Variants in ANAPC4 observed in about 807,000 individuals in gnomAD.
The protein encoded by ANAPC4 is anaphase promoting complex subunit 4.
A neutral mutation model predicts 119.8 loss-of-function variants in ANAPC4; 63 were observed. The observed-to-expected ratio is 0.53, with a 90% CI of 0.43 to 0.65. ANAPC4 has a LOEUF of 0.65. Among genes scored for constraint, ANAPC4 ranks in the 30% least tolerant of loss-of-function variants. ANAPC4 has a pLI of 0.00. For synonymous variants in ANAPC4, 283 were observed against 318.6 expected, an observed-to-expected ratio of 0.89 and a Z score of 1.19; for missense variants, 716 against 945.1, an observed-to-expected ratio of 0.76 and a Z score of 3.18.
chr4:25,377,384 C>G, intron 1 of ANAPC4, 34 bp from the exon 2 acceptor site: 1 of 1,607,944 alleles, frequency 6.2e-7, no homozygotes, highest in Non-Finnish European at 8.5e-7. Context: ...GAGCCGGGGG[C>G]TCCTGCCGGC....
intron 3 of ANAPC4, among the ~76,000 whole-genome samples, chr4:25,381,465 C>T (rs930234919): frequency 2.6e-5 from 4 of 152,138 alleles, no homozygotes; most frequent in Admixed American, 6.5e-5. Flanking sequence ...CGTGCACCTT[C>T]ATCCCTGGCT....
intron 20 of ANAPC4, among the ~76,000 whole-genome samples, chr4:25,408,615 T>C (rs1723400461): frequency 6.6e-6 from 1 of 151,766 alleles, no homozygotes; most frequent in Non-Finnish European, 1.5e-5. Context: ...CCTCCACCTC[T>C]CGGACTCGCC....
In ANAPC4 at chr4:25,418,306, A is replaced by C. The variant is rs749967876; in HGVS notation, c.2351A>C (p.Gln784Pro). 11 of 1,613,946 alleles carry C rather than the reference A, an allele frequency of 6.8e-6. No individual in the cohort carries two copies. The Admixed American group carries it at 1.8e-4, about 27-fold the overall frequency. Residue 784 changes from glutamine to proline, a missense_variant, in exon 29 of 29, where the codon CAA (glutamine) becomes CCA (proline). Physicochemically the swap from Gln to Pro is moderately conservative, Grantham distance 76. This residue lies in a region of ANAPC4 where 504 missense variants were observed against 615.8 expected (regional missense o/e 0.82). Transcript: ENST00000315368. Reference protein sequence around the residue: ...EVLSESEAENQQAGAAALAPE... With the variant: ...EVLSESEAENPQAGAAALAPE... Reference sequence around the variant, plus strand: ...TTGTCGGAGTCAGAGGCAGAGAACCAACAAGCTGGTGCTGCCGCTTTAGCT... The same window carrying C: ...TTGTCGGAGTCAGAGGCAGAGAACCCACAAGCTGGTGCTGCCGCTTTAGCT...
At position 25,417,924 on chromosome 4, in the gene ANAPC4, T is replaced by C. The variant is rs558116051; in HGVS notation, c.2199+185T>C. 2.2e-5 allele frequency: 20 copies of C among 904,442 alleles called. No homozygotes were observed. The African/African-American group carries it at 3.0e-4, about 14-fold the overall frequency. 56.0% of individuals were successfully genotyped at this position (904,442 alleles called of 1,614,324 possible). Reference sequence around the variant, plus strand: ...TATTTAGTTCTTGTTCTGATAAAGCTTACTAAGTAGTTAATAATAATACTA... The same window carrying C: ...TATTTAGTTCTTGTTCTGATAAAGCCTACTAAGTAGTTAATAATAATACTA... On this transcript the variant is annotated intron_variant, in intron 28 of 28. Coordinates refer to ENST00000315368, the MANE Select transcript of ANAPC4 (RefSeq NM_013367.3).
At chr4:25,394,527 A>G (rs1253069520) in intron 12 of ANAPC4, 144 bp from the exon 13 acceptor site, 3 of 1,023,044 alleles carry the variant, frequency 2.9e-6, no homozygotes, top group African/African-American at 1.6e-5. Context: ...TACGGGGTAT[A>G]TGTGATGTTA....
At position 25,388,891 on chromosome 4, in the gene ANAPC4, T is replaced by A. The variant is rs1330834763; in HGVS notation, c.515+9T>A. 2.8e-5 allele frequency: 44 copies of A among 1,576,506 alleles called. No homozygotes were observed. Among genetic ancestry groups the A allele is most frequent in the Non-Finnish European group, 3.5e-5 (41 of 1,155,196 alleles). ...CTCTTGGGAGACGTCAGGTAAATCTTACAGATAAATAAGTCTAATTTCTTA... is the reference window on the plus strand; with the variant it reads ...CTCTTGGGAGACGTCAGGTAAATCTAACAGATAAATAAGTCTAATTTCTTA... On this transcript the variant is annotated intron_variant, in intron 7 of 28. Coordinates refer to ENST00000315368, the MANE Select transcript of ANAPC4 (RefSeq NM_013367.3).
In ANAPC4 at chr4:25,413,568, A is replaced by G. The variant is rs565249219; in HGVS notation, c.1526-77A>G. The G allele has an allele frequency of 9.0e-6, 10 of 1,108,936 alleles. No homozygotes were observed. The African/African-American group carries it at 1.6e-4, about 18-fold the overall frequency. The allele number at this position is 1,108,936 out of a possible 1,614,324, so 68.7% of individuals were successfully genotyped here. ...AGATAAACTGTGCAGACTGGCTCTA[A>G]CAGTAGATTATTTTCTTCTAATTAT... On this transcript the variant is annotated intron_variant, in intron 21 of 28. Coordinates refer to ENST00000315368, the MANE Select transcript of ANAPC4 (RefSeq NM_013367.3).
chr4:25,379,755 AGATAAG>A (rs1370096549), intron 2 of ANAPC4, among the ~76,000 whole-genome samples: 3 of 152,080 alleles, frequency 2.0e-5, no homozygotes, highest in Non-Finnish European at 4.4e-5. Context: ...GTGAGCTGTG[AGATAAG>A]GCAGGGTCAT....
At chr4:25,414,296 T>C (rs1368270110) in intron 22 of ANAPC4, 28 bp from the exon 23 acceptor site, 1 of 1,425,650 alleles carries the variant, frequency 7.0e-7, no homozygotes, top group African/African-American at 1.4e-5. Flanking sequence ...AACGCTCTAA[T>C]TATATTTTAA....
chr4:25,401,847 A>C (rs1374144911), intron 16 of ANAPC4, among the ~76,000 whole-genome samples: 2 of 152,240 alleles, frequency 1.3e-5, no homozygotes, highest in Non-Finnish European at 2.9e-5. Flanking sequence ...GACAAAAAAA[A>C]CACGAAGAGA....
chr4:25,409,671 C>A, intron 20 of ANAPC4, 27 bp from the exon 21 acceptor site: 1 of 1,536,418 alleles, frequency 6.5e-7, no homozygotes, highest in Non-Finnish European at 8.9e-7. Context: ...TATGAATAAA[C>A]TTAAATTTCT....
intron 4 of ANAPC4, among the ~76,000 whole-genome samples, chr4:25,387,522 CAG>C (rs1722105255): frequency 6.6e-6 from 1 of 152,110 alleles, no homozygotes; most frequent in African/African-American, 2.4e-5. Context: ...GTTAGAGGGT[CAG>C]AGCATATCAT....
In ANAPC4 at chr4:25,402,982, G is replaced by A. The variant is rs1261284181; in HGVS notation, c.1226G>A (p.Ser409Asn). Residue 409 changes from serine to asparagine, a missense_variant, in exon 17 of 29, where the codon AGT (serine) becomes AAT (asparagine). Physicochemically the swap from Ser to Asn is conservative, Grantham distance 46 (BLOSUM62 1). Transcript: ENST00000315368. ...KANELLQVID[S>N]SMKNFKAFFR... ...TTTTATCTCTTTAGAGTTATAGATAGTAGTATGAAAAACTTCAAAGCATTT... is the reference window on the plus strand; with the variant it reads ...TTTTATCTCTTTAGAGTTATAGATAATAGTATGAAAAACTTCAAAGCATTT... The A allele has an allele frequency of 1.3e-6, 2 of 1,589,636 alleles. No homozygotes were observed. The highest frequency in any genetic ancestry group is 2.2e-5 in the South Asian group (2 of 89,404).
At chr4:25,397,312 C>G (rs1036295074) in intron 16 of ANAPC4, among the ~76,000 whole-genome samples, 1 of 152,110 alleles carries the variant, frequency 6.6e-6, no homozygotes, top group Non-Finnish European at 1.5e-5. Flanking sequence ...ATCCTTCCGT[C>G]CTTTCCCTTC....
At position 25,418,205 on chromosome 4, in the gene ANAPC4, T is replaced by C. The variant is rs1162205263; in HGVS notation, c.2250T>C (p.Asp750=). Residue 750 remains aspartate (D), a synonymous_variant, in exon 29 of 29, where the codon GAT becomes GAC. Coordinates refer to ENST00000315368, the MANE Select transcript of ANAPC4 (RefSeq NM_013367.3). ...HVRVFEMDID[D]EWELDESSDE... is the part of the protein sequence containing the mutation. ...GAGTATTTGAAATGGACATAGATGA[T>C]GAATGGGAGCTCGATGAGTCTTCAG... 1.9e-6 allele frequency: 3 copies of C among 1,614,090 alleles called. No individual in the cohort carries two copies. Among genetic ancestry groups the C allele is most frequent in the Non-Finnish European group, 2.5e-6 (3 of 1,179,964 alleles).
At chr4:25,415,422 G>T (rs1291407765) in intron 25 of ANAPC4, 44 bp from the exon 26 acceptor site, 3 of 1,464,784 alleles carry the variant, frequency 2.0e-6, no homozygotes, top group African/African-American at 2.8e-5. Context: ...TGACTATCCA[G>T]GTTGTTCCAC....
At position 25,418,437 on chromosome 4, in the gene ANAPC4, A is replaced by T. The variant is rs1163786795; in HGVS notation, c.*55A>T. 1 of 1,475,826 alleles carries T rather than the reference A, an allele frequency of 6.8e-7. No homozygotes were observed. Among genetic ancestry groups the T allele is most frequent in the East Asian group, 2.3e-5 (1 of 43,898 alleles). The allele number at this position is 1,475,826 out of a possible 1,614,324, so 91.4% of individuals were successfully genotyped here. A position where few individuals can be genotyped will look rare whatever the true frequency, so the allele number is the denominator to read the frequency against. On this transcript the variant is annotated 3_prime_UTR_variant, in exon 29 of 29. Transcript: ENST00000315368. ...ATGGCCAAAAGGACATAGGAGATGG[A>T]CTAAGATGTCTTGGACCACCTTTGT...
intron 25 of ANAPC4, 33 bp downstream of exon 25, chr4:25,414,733 A>T: frequency 6.9e-7 from 1 of 1,440,110 alleles, no homozygotes. Flanking sequence ...AATCAAAGAG[A>T]TAAGATTTTA....
intron 4 of ANAPC4, 94 bp downstream of exon 4, chr4:25,383,487 G>A: frequency 8.4e-7 from 1 of 1,194,656 alleles, no homozygotes; most frequent in Non-Finnish European, 1.1e-6. Flanking sequence ...GGGTGTATGT[G>A]CGTTGTATTT....
Sources: allele counts gnomAD v4.1 joint callset (sites outside exome capture counted in the v4.1 genomes callset), GRCh38; gene constraint gnomAD v4.1.1; regional missense constraint gnomAD v4.1.1; transcripts MANE v1.5; gene names NCBI Gene and HGNC (gene_info 2026-07-23, HGNC 2026-07-21).